The following PCDHA12 variants were observed in gnomAD, a reference collection of about 807,000 sequenced individuals.
The protein encoded by PCDHA12 is protocadherin alpha-12.
PCDHA12 carries 44 observed loss-of-function variants against 60.0 expected under a neutral mutation model. The ratio of observed to expected loss-of-function variants is 0.73; its 90% CI spans 0.58 to 0.94. The LOEUF (loss-of-function observed/expected upper bound fraction) is 0.94. PCDHA12 is among the 40% of genes least tolerant of loss of function. The pLI, the probability that PCDHA12 is intolerant of heterozygous loss-of-function variation, is 0.00. For missense variants in PCDHA12, 1,276 were observed against 1,239.7 expected (o/e 1.03, Z -0.44); for synonymous variants, 569 against 553.0 (o/e 1.03, Z -0.40).
intron 1 of PCDHA12, chr5:140,929,344 A>G: frequency 6.5e-7 from 1 of 1,531,050 alleles, no homozygotes; most frequent in South Asian, 1.3e-5. Flanking sequence ...ATTTTATGGA[A>G]TTTGATTCCT....
intron 1 of PCDHA12, among the ~76,000 whole-genome samples, chr5:140,911,976 A>G (rs1270778875): frequency 6.6e-6 from 1 of 152,218 alleles, no homozygotes; most frequent in Non-Finnish European, 1.5e-5. Context: ...ATTAACTCAC[A>G]TGATCACAAG....
At chr5:140,994,355 G>A (rs2097616615) in intron 3 of PCDHA12, among the ~76,000 whole-genome samples, 2 of 152,240 alleles carry the variant, frequency 1.3e-5, no homozygotes, top group South Asian at 4.1e-4. Flanking sequence ...TGGGACCTCA[G>A]AAGATGGAAT....
intron 1 of PCDHA12, among the ~76,000 whole-genome samples, chr5:140,914,284 G>T (rs781914384): frequency 9.9e-5 from 15 of 152,022 alleles, no homozygotes; most frequent in Non-Finnish European, 2.1e-4. Flanking sequence ...ATTTATAATT[G>T]TTATATCCTC....
chr5:140,877,538 C>T lies in PCDHA12; in HGVS notation c.2066C>T (p.Pro689Leu). The change falls in exon 1 of 4, where the codon CCC (proline) becomes CTC (leucine). Residue 689 changes from proline (P) to leucine (L), a missense_variant. Pro to Leu is a moderately conservative substitution (Grantham distance 98). Coordinates refer to ENST00000398631, the MANE Select transcript of PCDHA12 (RefSeq NM_018903.4). ...CGGGCCTCAGTGGGCGCTGTGGATC[C>T]CGAAGCGGCTCTGGTGGATATTAAC... ...SSRASVGAVD[P>L]EAALVDINVY... The T allele has an allele frequency of 1.2e-6, 2 of 1,613,776 alleles. No homozygotes were observed. The highest frequency in any genetic ancestry group is 1.7e-6 in the Non-Finnish European group (2 of 1,179,902).
At chr5:141,007,095 G>A (rs1405401392) in intron 3 of PCDHA12, among the ~76,000 whole-genome samples, 2 of 152,208 alleles carry the variant, frequency 1.3e-5, no homozygotes, top group East Asian at 1.9e-4. Context: ...AGAGAGTCTA[G>A]GGCCAAACCC....
chr5:140,981,694 A>C (rs1407083166), intron 2 of PCDHA12, among the ~76,000 whole-genome samples: 1 of 151,154 alleles, frequency 6.6e-6, no homozygotes, highest in Non-Finnish European at 1.5e-5. Context: ...TCCATCATTC[A>C]TTCATTCATT....
At chr5:141,002,956 G>C (rs782632089) in intron 3 of PCDHA12, among the ~76,000 whole-genome samples, 6 of 152,230 alleles carry the variant, frequency 3.9e-5, no homozygotes, top group Non-Finnish European at 7.3e-5. Context: ...GCCCCTCTGA[G>C]AGCTTTCCTG....
At chr5:141,000,393 C>CTATAAATATA (rs1563650230) in intron 3 of PCDHA12, among the ~76,000 whole-genome samples, 1 of 52,856 alleles carries the variant, frequency 1.9e-5, no homozygotes, top group African/African-American at 9.2e-5. Flanking sequence ...CTCTCTCTCT[C>CTATAAATATA]TCTATATATA....
chr5:141,009,820 CT>C lies in PCDHA12; in HGVS notation c.2711del (p.Phe904SerfsTer2). On this transcript the variant is annotated frameshift_variant, in exon 4 of 4. Transcript: ENST00000398631. LOFTEE classifies it high-confidence loss of function. ...CTAACAGCCAAATTGACAAAAGTGACTTCATAACCTTCGGCAAAAAGGAGGA... is the reference window on the plus strand; with the variant it reads ...CTAACAGCCAAATTGACAAAAGTGACTCATAACCTTCGGCAAAAAGGAGGA... ...PTNSQIDKSDFITFGKKEETK... is the reference protein window; with the variant it reads ...PTNSQIDKSDXITFGKKEETK... 6.2e-7 allele frequency: 1 copy of C among 1,613,960 alleles called. No individual in the cohort carries two copies. Among genetic ancestry groups the C allele is most frequent in the Non-Finnish European group, 8.5e-7 (1 of 1,179,996 alleles).
chr5:140,959,057 G>A (rs1437392976), intron 1 of PCDHA12, among the ~76,000 whole-genome samples: 1 of 152,092 alleles, frequency 6.6e-6, no homozygotes, highest in Non-Finnish European at 1.5e-5. Context: ...AAAAAATGCA[G>A]TATATATAGA....
intron 1 of PCDHA12, among the ~76,000 whole-genome samples, chr5:140,880,775 ATGTT>A (rs1320602954): frequency 6.6e-6 from 1 of 152,230 alleles, no homozygotes; most frequent in Admixed American, 6.5e-5. Context: ...GCTAAAAAGA[ATGTT>A]AGAGGAGTAA....
chr5:141,009,746 T>C lies in PCDHA12; in HGVS notation c.2635T>C (p.Phe879Leu). ...CGGTCCCGGTGAGTTGCCCGACAAA[T>C]TCATTATCCCAGGATCTCCTGCAAT... ...QSGPGELPDK[F>L]IIPGSPAIIS... The change falls in exon 4 of 4, where the codon TTC becomes CTC. Residue 879 changes from phenylalanine to leucine, a missense_variant. Transcript: ENST00000398631. 6.2e-7 allele frequency: 1 copy of C among 1,614,062 alleles called. No homozygotes were observed. Among genetic ancestry groups the C allele is most frequent in the Non-Finnish European group, 8.5e-7 (1 of 1,180,018 alleles).
chr5:140,933,522 T>A (rs1399438253), intron 1 of PCDHA12, among the ~76,000 whole-genome samples: 3 of 152,066 alleles, frequency 2.0e-5, no homozygotes, highest in Non-Finnish European at 4.4e-5. Flanking sequence ...AGCTGTTTTG[T>A]TTAAACTCAA....
At chr5:140,928,082 T>A (rs1387313022) in intron 1 of PCDHA12, 4 of 1,614,094 alleles carry the variant, frequency 2.5e-6, no homozygotes, top group Admixed American at 3.3e-5. Context: ...TACTACAGCC[T>A]GCTGATTGAT....
intron 1 of PCDHA12, among the ~76,000 whole-genome samples, chr5:140,912,377 A>T (rs1202586249): frequency 1.3e-5 from 2 of 149,084 alleles, no homozygotes; most frequent in Admixed American, 6.7e-5. Context: ...TGTAAAAGGG[A>T]TTGAGTTCTT....
intron 1 of PCDHA12, among the ~76,000 whole-genome samples, chr5:140,932,733 C>A (rs2088585680): frequency 1.3e-5 from 2 of 151,034 alleles, no homozygotes; most frequent in Admixed American, 6.6e-5. Context: ...TAATATAGAC[C>A]CTCAAATCAG....
rs1563652468 is a variant in PCDHA12, at chr5:141,000,419, A to ATT, written c.2516-9207_2516-9206insTT. ...TCTATATATATATATATATATATAT[A>ATT]TATTTTTTTTTTTTTTTTTTTTTTT... On this transcript the variant is annotated intron_variant, in intron 3 of 3. Transcript: ENST00000398631. 2.1e-3 allele frequency among the ~76,000 whole-genome samples: 126 copies of ATT among 60,978 alleles called. 1 individual carries two copies. The highest frequency in any genetic ancestry group is 3.3e-3 in the African/African-American group (43 of 13,160). The allele number at this position is 60,978 out of a possible 152,430, so 40.0% of individuals were successfully genotyped here. A position where few individuals can be genotyped will look rare whatever the true frequency, so the allele number is the denominator to read the frequency against.
At chr5:140,927,097 G>A in intron 1 of PCDHA12, 1 of 1,613,358 alleles carries the variant, frequency 6.2e-7, no homozygotes, top group Non-Finnish European at 8.5e-7. Context: ...CTTCGGGGTG[G>A]ATCTACCCAG....
At chr5:140,975,978 A>T (rs964939685) in intron 1 of PCDHA12, among the ~76,000 whole-genome samples, 1 of 152,142 alleles carries the variant, frequency 6.6e-6, no homozygotes, top group African/African-American at 2.4e-5. Context: ...AAGTAAGCAT[A>T]GTCCTGGGAG....
Sources: gnomAD v4.1 joint callset for allele counts (sites outside exome capture counted in the v4.1 genomes callset) on GRCh38, gnomAD v4.1.1 for gene constraint, MANE v1.5 for transcripts, NCBI Gene and HGNC (gene_info 2026-07-23, HGNC 2026-07-21) for gene names.